DST: variants seen among roughly 807,000 people sequenced by gnomAD.
DST encodes dystonin, also known as bullous pemphigoid antigen.
A neutral mutation model predicts 875.2 loss-of-function variants in DST; 253 were observed. That is an observed-to-expected ratio of 0.29 (90% CI 0.26 to 0.32). DST has a LOEUF of 0.32. Ranked by LOEUF, DST falls within the 10% of genes least tolerant of loss-of-function variation. DST has a pLI of 1.00. For missense variants in DST, 8,287 were observed against 9,111.6 expected, an observed-to-expected ratio of 0.91 and a Z score of 3.68; for synonymous variants, 3,124 against 3,197.1, an observed-to-expected ratio of 0.98 and a Z score of 0.77.
chr6:56,614,520 C>A, intron 36 of DST, 36 bp from the exon 37 acceptor site: 7 of 1,534,946 alleles, frequency 4.6e-6, no homozygotes, highest in Non-Finnish European at 8.7e-7. Flanking sequence ...ATATACACTG[C>A]ATTAAATGAC....
intron 3 of DST, among the ~76,000 whole-genome samples, chr6:56,870,431 CAAAAA>C (rs34119606): frequency 5.8e-5 from 3 of 51,360 alleles, no homozygotes; most frequent in Non-Finnish European, 8.3e-5. Context: ...CTTGCAACTG[CAAAAA>C]AAAAAAAAAA....
At chr6:56,525,191 G>C (rs2096775776) in intron 69 of DST, among the ~76,000 whole-genome samples, 1 of 152,102 alleles carries the variant, frequency 6.6e-6, no homozygotes, top group South Asian at 2.1e-4. Context: ...GCTGTTTAGA[G>C]AAGCCTTCAG....
In DST at chr6:56,897,320, TTTTA is replaced by T. The variant is rs59774915; in HGVS notation, c.417+3097_417+3100del. 7.6e-3 allele frequency among the ~76,000 whole-genome samples: 1,125 copies of T among 148,140 alleles called. 11 individuals are homozygous for T. The highest frequency in any genetic ancestry group is 0.027 in the African/African-American group (1,054 of 39,142). On this transcript the variant is annotated intron_variant, in intron 3 of 103. Transcript: ENST00000680361. The stretch of plus-strand genomic sequence containing the variant: ...GGTTTTTTTTTGGGGGGGGGGTTGT[TTTTA>T]TTTATTTATTTATTTATTTATTTTT...
chr6:56,851,518 G>A lies in DST; in HGVS notation c.504C>T (p.Ser168=), dbSNP rs1174227329. 6.2e-7 allele frequency: 1 copy of A among 1,614,016 alleles called. No homozygotes were observed. The highest frequency in any genetic ancestry group is 1.7e-5 in the Admixed American group (1 of 60,022). The part of the protein sequence containing the change: ...DEDDFSQKSG[S]ASPAPGDTLP... ...AGGTGTCTCCCGGAGCTGGGGATGC[G>A]GAGCCAGATTTCTGGCTGAAATCAT... is the stretch of plus-strand genomic sequence containing the variant. Residue 168 remains serine (S), a synonymous_variant, in exon 4 of 104, where the codon TCC becomes TCT. Transcript: ENST00000680361.
At chr6:56,627,069 A>C in intron 34 of DST, 135 bp downstream of exon 34, 1 of 720,162 alleles carries the variant, frequency 1.4e-6, no homozygotes, top group South Asian at 1.6e-5. Flanking sequence ...ACAAAGAATT[A>C]TTAGATAAGT....
intron 98 of DST, 115 bp downstream of exon 98, chr6:56,468,867 G>T: frequency 1.3e-6 from 1 of 784,456 alleles, no homozygotes; most frequent in Non-Finnish European, 2.0e-6. Context: ...AACCAACAAT[G>T]TAGTAGCTAG....
intron 89 of DST, chr6:56,482,405 A>T (rs1582714551): frequency 1.8e-6 from 1 of 554,706 alleles, no homozygotes; most frequent in East Asian, 3.2e-5. Context: ...CCACTTTAAC[A>T]ACTTGATTTT....
chr6:56,611,502 A>C lies in DST; in HGVS notation c.5147+6T>G. 6.3e-7 allele frequency: 1 copy of C among 1,599,598 alleles called. No homozygotes were observed. Among genetic ancestry groups the C allele is most frequent in the Non-Finnish European group, 8.6e-7 (1 of 1,167,716 alleles). ...AAAATAAAAGAGCTAACTACAACCA[A>C]CATACTTGTCTCCATGTTTTGCCAA... is the stretch of plus-strand genomic sequence containing the variant. On this transcript the variant is annotated splice_donor_region_variant and intron_variant, in intron 38 of 103. Transcript: ENST00000680361.
At chr6:56,484,644 AG>A (rs1702021683) in intron 88 of DST, 1 of 152,208 alleles carries the variant, frequency 6.6e-6, no homozygotes, top group Admixed American at 6.5e-5. Flanking sequence ...TCCAAGGCTA[AG>A]TTGCTTTATA....
intron 66 of DST, among the ~76,000 whole-genome samples, chr6:56,529,212 G>A (rs2096854333): frequency 1.3e-5 from 2 of 152,068 alleles, no homozygotes; most frequent in African/African-American, 4.8e-5. Context: ...GGTTAATACA[G>A]GTCTTTGTAT....
intron 4 of DST, among the ~76,000 whole-genome samples, chr6:56,818,776 C>A (rs912965482): frequency 6.6e-6 from 1 of 152,230 alleles, no homozygotes; most frequent in Admixed American, 6.6e-5. Context: ...TTTCAAAGTA[C>A]TCTGATATGT....
At chr6:56,790,258 T>A (rs990935298) in intron 4 of DST, among the ~76,000 whole-genome samples, 3 of 152,188 alleles carry the variant, frequency 2.0e-5, no homozygotes, top group Non-Finnish European at 4.4e-5. Context: ...CTATCTACTA[T>A]GATAGATAGT....
At chr6:56,706,444 C>A (rs768244903) in intron 5 of DST, among the ~76,000 whole-genome samples, 7 of 152,138 alleles carry the variant, frequency 4.6e-5, no homozygotes, top group Non-Finnish European at 8.8e-5. Flanking sequence ...AACTTCTCAA[C>A]TGTATTTCAG....
At chr6:56,709,870 G>A (rs748261814) in intron 5 of DST, among the ~76,000 whole-genome samples, 8 of 152,116 alleles carry the variant, frequency 5.3e-5, no homozygotes, top group Non-Finnish European at 1.0e-4. Context: ...GGTGGAGGGA[G>A]GAGCAAGAAC....
intron 71 of DST, 112 bp downstream of exon 71, chr6:56,517,086 T>C (rs2096608480): frequency 1.3e-6 from 1 of 769,976 alleles, no homozygotes; most frequent in Admixed American, 2.3e-5. Context: ...TAATTATTTT[T>C]GCTGCTTAAA....
chr6:56,722,632 T>C (rs2099425895), intron 5 of DST, among the ~76,000 whole-genome samples: 1 of 152,182 alleles, frequency 6.6e-6, no homozygotes, highest in African/African-American at 2.4e-5. Context: ...TCCACCTACT[T>C]TGGCCTCCCA....
At position 56,660,192 on chromosome 6, in the gene DST, T is replaced by A. The variant is rs959161864; in HGVS notation, c.1215-8948A>T. ...CTAATGAAATCAATCTACCCTGAAG[T>A]ATCGCTTTCTCTGGTGTGCTTCCTG... is the stretch of plus-strand genomic sequence containing the variant. On this transcript the variant is annotated intron_variant, in intron 10 of 103. Transcript: ENST00000680361. Among the ~76,000 whole-genome samples, 9 of 152,302 alleles carry A rather than the reference T, an allele frequency of 5.9e-5. No homozygotes were observed. The East Asian group carries it at 1.5e-3, about 26-fold the overall frequency.
chr6:56,557,584 G>T, intron 58 of DST, 66 bp from the exon 59 acceptor site: 1 of 1,195,938 alleles, frequency 8.4e-7, no homozygotes, highest in Non-Finnish European at 1.2e-6. Context: ...TGTCTATGAG[G>T]ACTGTATGGT....
intron 49 of DST, among the ~76,000 whole-genome samples, chr6:56,581,352 T>C (rs1457097955): frequency 6.6e-6 from 1 of 151,972 alleles, no homozygotes; most frequent in Non-Finnish European, 1.5e-5. Flanking sequence ...ACACATGTAA[T>C]TGATGGGGTG....
Sources: allele counts gnomAD v4.1 joint callset (sites outside exome capture counted in the v4.1 genomes callset), GRCh38; gene constraint gnomAD v4.1.1; transcripts MANE v1.5; gene names NCBI Gene and HGNC (gene_info 2026-07-23, HGNC 2026-07-21).